TRIM9: variants seen among roughly 807,000 people sequenced by gnomAD.
TRIM9 encodes tripartite motif containing 9.
Under a neutral mutation model 78.3 loss-of-function variants are expected in TRIM9, and 26 were observed. That is an observed-to-expected ratio of 0.33 (90% CI 0.24 to 0.46). The LOEUF is 0.46. Ranked by LOEUF, TRIM9 falls within the 20% of genes least tolerant of loss-of-function variation. The probability of loss-of-function intolerance (pLI) is 1.00; values close to 1 mark genes in which losing one functional copy is unlikely to be tolerated. For missense variants in TRIM9, 787 were observed against 1,036.4 expected (o/e 0.76, Z 3.30); for synonymous variants, 398 against 416.5 (o/e 0.96, Z 0.54).
chr14:51,094,015 G>T, intron 1 of TRIM9, 103 bp downstream of exon 1: 1 of 1,188,496 alleles, frequency 8.4e-7, no homozygotes, highest in Non-Finnish European at 1.2e-6. Context: ...CCTGCATTGC[G>T]CCCCCACTGG....
At chr14:51,045,329 G>A (rs1161502366) in intron 1 of TRIM9, among the ~76,000 whole-genome samples, 1 of 152,224 alleles carries the variant, frequency 6.6e-6, no homozygotes, top group Non-Finnish European at 1.5e-5. Context: ...CCCTGTGAGG[G>A]TGACACTCAG....
At chr14:51,033,605 C>T (rs2058914499) in intron 1 of TRIM9, among the ~76,000 whole-genome samples, 1 of 152,154 alleles carries the variant, frequency 6.6e-6, no homozygotes, top group South Asian at 2.1e-4. Context: ...TCCCTACTCC[C>T]TTGTCATCCT....
intron 11 of TRIM9, 135 bp downstream of exon 11, chr14:50,981,665 T>G (rs1208548531): frequency 6.4e-6 from 7 of 1,090,972 alleles, no homozygotes; most frequent in African/African-American, 3.1e-5. Flanking sequence ...GGCTCATAGA[T>G]TGCCTGTGCT....
chr14:50,975,271 T>C lies in TRIM9; in HGVS notation c.*2020A>G, dbSNP rs2051011589. ...GAAATTCTAGAGACATTTTATTCTC[T>C]CATAAAAATCATTTATTGGCACATC... On this transcript the variant is annotated 3_prime_UTR_variant, in exon 13 of 13. Coordinates refer to ENST00000684578, the MANE Select transcript of TRIM9 (RefSeq NM_001387360.1). 2 of 152,652 alleles carry C rather than the reference T, an allele frequency of 1.3e-5. No homozygotes were observed. Among genetic ancestry groups the C allele is most frequent in the South Asian group, 4.1e-4 (2 of 4,838 alleles). 9.5% of individuals were successfully genotyped at this position (152,652 alleles called of 1,614,324 possible).
At chr14:51,018,262 T>C (rs1258847912) in intron 3 of TRIM9, among the ~76,000 whole-genome samples, 2 of 152,064 alleles carry the variant, frequency 1.3e-5, no homozygotes, top group Non-Finnish European at 2.9e-5. Context: ...TTTTGTGAGC[T>C]GGGATGGCCT....
At chr14:51,006,384 A>G (rs957913164) in intron 5 of TRIM9, among the ~76,000 whole-genome samples, 2 of 152,324 alleles carry the variant, frequency 1.3e-5, no homozygotes, top group African/African-American at 4.8e-5. Flanking sequence ...AAATAAGAAG[A>G]TGAACGCCAC....
intron 5 of TRIM9, among the ~76,000 whole-genome samples, chr14:51,008,189 A>T (rs140919444): frequency 0.011 from 1,714 of 152,188 alleles, 16 homozygotes; most frequent in South Asian, 0.036. Context: ...CAGGAGGGAG[A>T]TCTTCATTCT....
intron 3 of TRIM9, among the ~76,000 whole-genome samples, chr14:51,012,242 T>C (rs1265302866): frequency 6.6e-6 from 1 of 151,990 alleles, no homozygotes; most frequent in Non-Finnish European, 1.5e-5. Flanking sequence ...TTCCCCTTCC[T>C]CCCAGCCCCT....
At chr14:50,984,299 T>C (rs1185714508) in intron 8 of TRIM9, among the ~76,000 whole-genome samples, 1 of 152,182 alleles carries the variant, frequency 6.6e-6, no homozygotes, top group African/African-American at 2.4e-5. Context: ...TCCTAAAACA[T>C]TTGCAGGATA....
intron 1 of TRIM9, among the ~76,000 whole-genome samples, chr14:51,065,340 G>A (rs2140187215): frequency 6.6e-6 from 1 of 152,314 alleles, no homozygotes; most frequent in Non-Finnish European, 1.5e-5. Flanking sequence ...GGTAATTCCA[G>A]CTGCTCTTTA....
chr14:51,020,236 C>T (rs1026989838), intron 3 of TRIM9, among the ~76,000 whole-genome samples: 1 of 151,976 alleles, frequency 6.6e-6, no homozygotes, highest in African/African-American at 2.4e-5. Flanking sequence ...TGAGTAGCAA[C>T]AAGAGTGACA....
chr14:50,983,482 T>C, intron 8 of TRIM9, 61 bp from the exon 9 acceptor site: 1 of 1,336,610 alleles, frequency 7.5e-7, no homozygotes, highest in South Asian at 1.5e-5. Flanking sequence ...AAAAATTACT[T>C]GTATACGCTT....
At chr14:51,040,690 G>A (rs985094963) in intron 1 of TRIM9, among the ~76,000 whole-genome samples, 11 of 152,230 alleles carry the variant, frequency 7.2e-5, no homozygotes, top group African/African-American at 2.4e-4. Context: ...AAGAACTTGT[G>A]TGTAGATGTG....
chr14:51,046,410 T>C (rs1015605435), intron 1 of TRIM9, among the ~76,000 whole-genome samples: 21 of 152,324 alleles, frequency 1.4e-4, no homozygotes, highest in African/African-American at 4.8e-4. Flanking sequence ...TCCAGCAATA[T>C]TGTTACACTG....
At chr14:51,082,967 T>A (rs191703914) in intron 1 of TRIM9, among the ~76,000 whole-genome samples, 61 of 152,144 alleles carry the variant, frequency 4.0e-4, no homozygotes, top group Non-Finnish European at 8.1e-4. Context: ...TGACTTTGGG[T>A]TTCTTGGTTT....
Position 51,094,808 on chromosome 14 carries a change from A to G in TRIM9, c.132T>C (p.Ser44=). The G allele has an allele frequency of 6.5e-7, 1 of 1,537,104 alleles. No homozygotes were observed. The highest frequency in any genetic ancestry group is 8.7e-7 in the Non-Finnish European group (1 of 1,146,392). ...ARNILVQTPE[S]ESPQSHRAAG... ...CGGCCCGATGGCTCTGGGGGGATTC[A>G]GACTCTGGGGTCTGCACCAGGATGT... The change falls in exon 1 of 13, where the codon TCT becomes TCC. Residue 44 remains serine, a synonymous_variant. Coordinates refer to ENST00000684578, the MANE Select transcript of TRIM9 (RefSeq NM_001387360.1).
chr14:50,980,692 T>C (rs1210387075), intron 11 of TRIM9, among the ~76,000 whole-genome samples: 1 of 152,206 alleles, frequency 6.6e-6, no homozygotes, highest in Non-Finnish European at 1.5e-5. Context: ...GCACTGAGAA[T>C]CTATTGACAG....
intron 1 of TRIM9, chr14:51,090,954 T>C (rs896995642): frequency 6.6e-6 from 1 of 152,220 alleles, no homozygotes; most frequent in Non-Finnish European, 1.5e-5. Flanking sequence ...GATTTAGGAA[T>C]GTGAACTGCT....
chr14:50,979,280 G>A, intron 12 of TRIM9, 107 bp downstream of exon 12: 1 of 1,593,050 alleles, frequency 6.3e-7, no homozygotes, highest in Non-Finnish European at 8.6e-7. Context: ...CTTGGTCTGG[G>A]CCTTACGCTG....
Sources: allele counts gnomAD v4.1 joint callset (sites outside exome capture counted in the v4.1 genomes callset), GRCh38; gene constraint gnomAD v4.1.1; transcripts MANE v1.5; gene names NCBI Gene and HGNC (gene_info 2026-07-23, HGNC 2026-07-21).